The following LRP1B variants were observed in gnomAD, a reference collection of about 807,000 sequenced individuals.
LRP1B encodes the protein low-density lipoprotein receptor-related protein 1B.
LRP1B carries 217 observed loss-of-function variants against 556.6 expected under a neutral mutation model. The observed-to-expected ratio is 0.39, with a 90% CI of 0.35 to 0.44. LRP1B has a LOEUF of 0.44. LRP1B is among the 20% of genes least tolerant of loss of function. The pLI is 1.00. For synonymous variants in LRP1B, 2,047 were observed against 1,865.8 expected (o/e 1.10, Z -2.50); for missense variants, 5,053 against 5,620.8 (o/e 0.90, Z 3.23).
At position 140,297,982 on chromosome 2, in the gene LRP1B, A is replaced by G. The variant is rs1472323151; in HGVS notation, c.12806-13T>C. The G allele has an allele frequency of 5.1e-6, 8 of 1,572,522 alleles. No homozygotes were observed. The South Asian group carries it at 8.1e-5, about 16-fold the overall frequency. ...CAGGTGGGTCTCCCTATTGGAAACA[A>G]TAAGTAATAAAAAGCAAATTATTCA... On this transcript the variant is annotated splice_polypyrimidine_tract_variant and intron_variant, in intron 83 of 90. Transcript: ENST00000389484.
intron 43 of LRP1B, among the ~76,000 whole-genome samples, chr2:140,548,734 C>T (rs1356262210): frequency 6.6e-6 from 1 of 151,934 alleles, no homozygotes; most frequent in African/African-American, 2.4e-5. Flanking sequence ...ACCAGCCTGG[C>T]CAACATGGTG....
intron 1 of LRP1B, among the ~76,000 whole-genome samples, chr2:142,066,179 G>A (rs907700250): frequency 6.6e-6 from 1 of 151,466 alleles, no homozygotes; most frequent in African/African-American, 2.4e-5. Context: ...GATGCACTGT[G>A]GTTTTTCTCT....
intron 32 of LRP1B, among the ~76,000 whole-genome samples, chr2:140,806,651 A>C (rs182293438): frequency 4.3e-4 from 66 of 152,282 alleles, no homozygotes; most frequent in African/African-American, 1.5e-3. Flanking sequence ...TATGCTGACC[A>C]TTAAGTACAT....
intron 60 of LRP1B, among the ~76,000 whole-genome samples, chr2:140,466,146 G>T (rs1243466788): frequency 1.4e-5 from 2 of 147,910 alleles, no homozygotes; most frequent in Admixed American, 1.3e-4. Context: ...TTTTTGGTGG[G>T]CTACAGTGGA....
At chr2:140,286,630 C>T (rs76439394) in intron 84 of LRP1B, among the ~76,000 whole-genome samples, 6,178 of 151,912 alleles carry the variant, frequency 0.041, 205 homozygotes, top group African/African-American at 0.097. Context: ...AAACTATTTT[C>T]GTCAGTGTTC....
intron 1 of LRP1B, among the ~76,000 whole-genome samples, chr2:141,977,959 G>GT (rs1558999264): frequency 6.6e-6 from 1 of 152,050 alleles, no homozygotes; most frequent in Non-Finnish European, 1.5e-5. Context: ...TACTTACGAA[G>GT]TATGACTTTT....
intron 51 of LRP1B, among the ~76,000 whole-genome samples, chr2:140,511,009 T>TA (rs1009354050): frequency 5.9e-5 from 9 of 151,904 alleles, no homozygotes; most frequent in African/African-American, 1.5e-4. Context: ...TTTTTTTTTT[T>TA]AAATTTTACT....
At chr2:141,061,395 T>A (rs890945766) in intron 8 of LRP1B, among the ~76,000 whole-genome samples, 9 of 151,834 alleles carry the variant, frequency 5.9e-5, no homozygotes, top group Admixed American at 6.6e-5. Flanking sequence ...ATTAGTGAGA[T>A]AAAATCAGAT....
intron 2 of LRP1B, among the ~76,000 whole-genome samples, chr2:141,775,388 G>T (rs917424598): frequency 6.6e-6 from 1 of 152,138 alleles, no homozygotes; most frequent in Non-Finnish European, 1.5e-5. Flanking sequence ...TCATATATAT[G>T]TGTGGTTCTT....
chr2:141,781,678 TTACAAA>T (rs1695258915), intron 2 of LRP1B, among the ~76,000 whole-genome samples: 1 of 152,164 alleles, frequency 6.6e-6, no homozygotes, highest in Admixed American at 6.6e-5. Context: ...TTCTTGCAGA[TTACAAA>T]TAGCACTAGC....
intron 4 of LRP1B, among the ~76,000 whole-genome samples, chr2:141,253,611 AG>A (rs1684350443): frequency 6.6e-6 from 1 of 152,150 alleles, no homozygotes; most frequent in African/African-American, 2.4e-5. Context: ...TTTGTCATTA[AG>A]ATTTTAAACA....
intron 1 of LRP1B, among the ~76,000 whole-genome samples, chr2:141,928,207 A>G (rs757498379): frequency 6.6e-6 from 1 of 152,184 alleles, no homozygotes; most frequent in Non-Finnish European, 1.5e-5. Flanking sequence ...ATAGTTCAGG[A>G]AAGGAACAAT....
intron 66 of LRP1B, among the ~76,000 whole-genome samples, chr2:140,395,992 T>C (rs1251516124): frequency 1.3e-5 from 2 of 152,206 alleles, no homozygotes; most frequent in Admixed American, 6.5e-5. Context: ...CTCTAGGTCA[T>C]GTTCAAAATG....
intron 52 of LRP1B, among the ~76,000 whole-genome samples, chr2:140,507,344 G>T (rs1689461933): frequency 6.6e-6 from 1 of 152,098 alleles, no homozygotes; most frequent in Non-Finnish European, 1.5e-5. Context: ...GACTGGTAAA[G>T]AGCAATGCTA....
chr2:141,639,349 T>TACACACAC (rs1553440025), intron 2 of LRP1B, among the ~76,000 whole-genome samples: 2,136 of 55,634 alleles, frequency 0.038, 170 homozygotes, highest in East Asian at 0.065. Flanking sequence ...TATATATATA[T>TACACACAC]ACACACACAC....
chr2:140,377,838 A>G (rs1683302121), intron 68 of LRP1B, among the ~76,000 whole-genome samples: 1 of 152,200 alleles, frequency 6.6e-6, no homozygotes, highest in South Asian at 2.1e-4. Context: ...GCATAAAAAT[A>G]TTAGTCCTGA....
At chr2:140,296,775 T>C (rs1262173972) in intron 84 of LRP1B, among the ~76,000 whole-genome samples, 2 of 152,124 alleles carry the variant, frequency 1.3e-5, no homozygotes, top group Non-Finnish European at 2.9e-5. Context: ...ATGGAGGACA[T>C]TAAATAAAAT....
intron 1 of LRP1B, among the ~76,000 whole-genome samples, chr2:141,844,106 G>C (rs1697564571): frequency 6.6e-6 from 1 of 152,042 alleles, no homozygotes; most frequent in Non-Finnish European, 1.5e-5. Context: ...GCCTCCTTTA[G>C]ATTTGGGCCT....
intron 2 of LRP1B, among the ~76,000 whole-genome samples, chr2:141,663,926 A>G (rs903883906): frequency 6.6e-5 from 10 of 151,618 alleles, no homozygotes; most frequent in Non-Finnish European, 1.3e-4. Flanking sequence ...ACATCAAAAA[A>G]AAAAAAAAAA....
Sources: allele counts gnomAD v4.1 joint callset (sites outside exome capture counted in the v4.1 genomes callset), GRCh38; gene constraint gnomAD v4.1.1; transcripts MANE v1.5; gene names NCBI Gene and HGNC (gene_info 2026-07-23, HGNC 2026-07-21).